Variants in AHRR observed in about 807,000 individuals in gnomAD.
AHRR encodes the protein aryl hydrocarbon receptor repressor.
A neutral mutation model predicts 44.0 loss-of-function variants in AHRR; 28 were observed. The observed-to-expected ratio is 0.64, with a 90% confidence interval of 0.47 to 0.87. The LOEUF (loss-of-function observed/expected upper bound fraction) is 0.87, where lower values mean the gene tolerates loss of function less well. Among genes scored for constraint, AHRR ranks in the 40% least tolerant of loss-of-function variants. The probability of loss-of-function intolerance (pLI) is 0.00; values close to 1 mark genes in which losing one functional copy is unlikely to be tolerated. For synonymous variants in AHRR, 434 were observed against 407.0 expected, an observed-to-expected ratio of 1.07 and a Z score of -0.80; for missense variants, 990 against 953.9, an observed-to-expected ratio of 1.04 and a Z score of -0.50.
intron 1 of AHRR, among the ~76,000 whole-genome samples, chr5:335,427 G>A (rs374788065): frequency 2.6e-5 from 4 of 151,970 alleles, no homozygotes; most frequent in African/African-American, 9.6e-5. Flanking sequence ...GTGTCCCCTG[G>A]GAGAAGGGCT....
intron 1 of AHRR, among the ~76,000 whole-genome samples, chr5:331,484 ATTTCT>A (rs1280812989): frequency 1.3e-5 from 2 of 151,684 alleles, no homozygotes; most frequent in African/African-American, 4.8e-5. Context: ...GGTCTTTGTT[ATTTCT>A]TTTCTTCTGC....
At chr5:425,752 T>C (rs1308963630) in intron 7 of AHRR, among the ~76,000 whole-genome samples, 1 of 152,236 alleles carries the variant, frequency 6.6e-6, no homozygotes, top group East Asian at 1.9e-4. Context: ...ATTAGATTGA[T>C]GCTAAAATAT....
At chr5:372,262 G>T (rs1441296075) in intron 3 of AHRR, among the ~76,000 whole-genome samples, 1 of 151,864 alleles carries the variant, frequency 6.6e-6, no homozygotes, top group Non-Finnish European at 1.5e-5. Flanking sequence ...GCACAGAGGG[G>T]ACTGTGGAGC....
chr5:424,545 G>A (rs1251983513), intron 7 of AHRR, among the ~76,000 whole-genome samples: 2 of 152,172 alleles, frequency 1.3e-5, no homozygotes, highest in African/African-American at 4.8e-5. Flanking sequence ...TGCGTGATGA[G>A]TCAACCGTGA....
chr5:390,300 C>T (rs1734357409), intron 4 of AHRR, among the ~76,000 whole-genome samples: 1 of 152,156 alleles, frequency 6.6e-6, no homozygotes, highest in African/African-American at 2.4e-5. Context: ...ACATCTCAGA[C>T]ACGCCATAAA....
At chr5:378,570 G>C (rs1436356546) in intron 4 of AHRR, among the ~76,000 whole-genome samples, 1 of 152,250 alleles carries the variant, frequency 6.6e-6, no homozygotes, top group African/African-American at 2.4e-5. Context: ...GGGAAGCCAA[G>C]ACAGATGGGC....
chr5:433,294 C>G (rs372268577), intron 10 of AHRR, among the ~76,000 whole-genome samples: 10 of 152,134 alleles, frequency 6.6e-5, no homozygotes, highest in African/African-American at 2.4e-4. Context: ...TCTCTCCCCC[C>G]TCTCCCTCCC....
At chr5:333,356 G>A (rs1579588063) in intron 1 of AHRR, among the ~76,000 whole-genome samples, 2 of 152,342 alleles carry the variant, frequency 1.3e-5, no homozygotes, top group South Asian at 2.1e-4. Flanking sequence ...AGCACTTTGG[G>A]AGGCAGAGGC....
intron 5 of AHRR, among the ~76,000 whole-genome samples, 156 bp downstream of exon 5, chr5:413,589 C>G (rs1010370797): frequency 6.6e-6 from 1 of 152,200 alleles, no homozygotes; most frequent in Non-Finnish European, 1.5e-5. Flanking sequence ...CCAGCTTTGT[C>G]TAGGGCAGTG....
chr5:323,973 C>T (rs1205659297), intron 1 of AHRR, among the ~76,000 whole-genome samples: 2 of 148,714 alleles, frequency 1.3e-5, no homozygotes, highest in African/African-American at 5.2e-5. Flanking sequence ...CTCTTCCTTC[C>T]CTCCTTCCTT....
At chr5:421,550 C>T (rs968757766) in intron 5 of AHRR, among the ~76,000 whole-genome samples, 5 of 152,362 alleles carry the variant, frequency 3.3e-5, no homozygotes, top group Admixed American at 6.5e-5. Flanking sequence ...CTAGGTTACC[C>T]TCCAGTTACA....
chr5:353,570 A>G (rs1030067484), intron 2 of AHRR, among the ~76,000 whole-genome samples, 160 bp from the exon 3 acceptor site: 1 of 152,098 alleles, frequency 6.6e-6, no homozygotes, highest in African/African-American at 2.4e-5. Flanking sequence ...TTTAGTGTCT[A>G]TGTCTTGAGG....
intron 8 of AHRR, among the ~76,000 whole-genome samples, chr5:430,245 G>A (rs1407988773): frequency 6.6e-6 from 1 of 152,202 alleles, no homozygotes; most frequent in Non-Finnish European, 1.5e-5. Context: ...CCAGGCTCCC[G>A]AACTAGTTTG....
chr5:378,744 C>G (rs538344742), intron 4 of AHRR, among the ~76,000 whole-genome samples: 31 of 152,274 alleles, frequency 2.0e-4, no homozygotes, highest in Non-Finnish European at 3.8e-4. Context: ...CAATACGAGT[C>G]AGAGCTTCTA....
chr5:366,888 C>G (rs1204190725), intron 3 of AHRR, among the ~76,000 whole-genome samples: 1 of 152,146 alleles, frequency 6.6e-6, no homozygotes, highest in Non-Finnish European at 1.5e-5. Context: ...CCCAGCAGGC[C>G]ATGAAAGCCA....
chr5:336,998 CCCT>C (rs1742160702), intron 1 of AHRR, among the ~76,000 whole-genome samples: 2 of 152,182 alleles, frequency 1.3e-5, no homozygotes, highest in Admixed American at 6.5e-5. Flanking sequence ...AGCCTTGGTG[CCCT>C]TGTGGAAAAT....
intron 3 of AHRR, among the ~76,000 whole-genome samples, chr5:375,180 C>A (rs1743735361): frequency 1.3e-5 from 2 of 152,204 alleles, no homozygotes; most frequent in Non-Finnish European, 2.9e-5. Flanking sequence ...GGAGTCCAGC[C>A]CACCCTGAGT....
chr5:391,213 G>A (rs999790633), intron 4 of AHRR, among the ~76,000 whole-genome samples: 11 of 152,250 alleles, frequency 7.2e-5, no homozygotes, highest in Non-Finnish European at 1.3e-4. Context: ...GGGCTGCTCA[G>A]GCAGAGTGGA....
At chr5:412,715 CTTTTTTT>C (rs11285209) in intron 4 of AHRR, among the ~76,000 whole-genome samples, 57 of 96,962 alleles carry the variant, frequency 5.9e-4, no homozygotes, top group African/African-American at 2.0e-3. Flanking sequence ...CTCTCTCTCT[CTTTTTTT>C]TTTTTTTTTT....
Sources: allele counts gnomAD v4.1 joint callset (sites outside exome capture counted in the v4.1 genomes callset), GRCh38; gene constraint gnomAD v4.1.1; transcripts MANE v1.5; gene names NCBI Gene and HGNC (gene_info 2026-07-23, HGNC 2026-07-21).